Variants in ADPRHL1 observed in about 807,000 individuals in gnomAD.
ADPRHL1 encodes the protein inactive ADP-ribosyltransferase ARH2.
A neutral mutation model predicts 44.1 loss-of-function variants in ADPRHL1; 43 were observed. That is an observed-to-expected ratio of 0.98 (90% CI 0.76 to 1.26). ADPRHL1 has a LOEUF of 1.26. Ranked by LOEUF, ADPRHL1 falls within the 50% of genes most tolerant of loss-of-function variation. The probability of loss-of-function intolerance (pLI) is 0.00; values close to 1 mark genes in which losing one functional copy is unlikely to be tolerated. For synonymous variants in ADPRHL1, 878 were observed against 1,017.4 expected, an observed-to-expected ratio of 0.86 and a Z score of 2.61; for missense variants, 2,022 against 2,496.9, an observed-to-expected ratio of 0.81 and a Z score of 4.05.
chr13:113,426,146 C>G (rs1233581738), intron 4 of ADPRHL1, among the ~76,000 whole-genome samples: 1 of 152,120 alleles, frequency 6.6e-6, no homozygotes, highest in African/African-American at 2.4e-5. Flanking sequence ...AAGAGGTCAT[C>G]TGGCCAAGAG....
intron 7 of ADPRHL1, among the ~76,000 whole-genome samples, chr13:113,421,001 G>C (rs1459669978): frequency 5.7e-5 from 6 of 105,632 alleles, no homozygotes; most frequent in Non-Finnish European, 1.1e-4. Context: ...CCAACCCCTG[G>C]GACATGCCTA....
chr13:113,429,022 C>A lies in ADPRHL1; in HGVS notation c.576G>T (p.Trp192Cys), dbSNP rs758114074. ...FAAQGKPLVQ[W>C]GRDMLRAVPL... ...GCACCGCCCGCAGCATGTCTCTCCC[C>A]CACTGGACCAGGGGCTTTCCTTGTG... The change falls in exon 4 of 8, where the codon TGG (tryptophan) becomes TGT (cysteine). Residue 192 changes from tryptophan to cysteine, a missense_variant. Coordinates refer to ENST00000612156, the MANE Select transcript of ADPRHL1 (RefSeq NM_001394807.1). The A allele has an allele frequency of 2.5e-6, 4 of 1,612,780 alleles. No homozygotes were observed. Among genetic ancestry groups the A allele is most frequent in the Non-Finnish European group, 3.4e-6 (4 of 1,180,008 alleles).
rs1317851677 is a variant in ADPRHL1, at chr13:113,400,173, T to G, written c.*3205A>C. 1 of 143,768 alleles carries G rather than the reference T, an allele frequency of 7.0e-6. No individual in the cohort carries two copies. Among genetic ancestry groups the G allele is most frequent in the Non-Finnish European group, 1.5e-5 (1 of 65,848 alleles). 8.9% of individuals were successfully genotyped at this position (143,768 alleles called of 1,614,324 possible). On this transcript the variant is annotated 3_prime_UTR_variant, in exon 8 of 8. Coordinates refer to ENST00000612156, the MANE Select transcript of ADPRHL1 (RefSeq NM_001394807.1). The stretch of plus-strand genomic sequence containing the variant: ...CTTTTTTTTTTTTTTTTTGACGGAG[T>G]CTCGCTCTGTCACCCAGGCTGGAGT...
chr13:113,420,978 C>T (rs2043914621), intron 7 of ADPRHL1, among the ~76,000 whole-genome samples: 1 of 128,672 alleles, frequency 7.8e-6, no homozygotes, highest in South Asian at 2.8e-4. Context: ...GACACGCCCA[C>T]CCCCCAGGAC....
At chr13:113,408,874 GGGGGCTGCAGAGAGGAGGGAAAGAT>G (rs1257532590) in intron 7 of ADPRHL1, among the ~76,000 whole-genome samples, 2 of 43,288 alleles carry the variant, frequency 4.6e-5, no homozygotes, top group African/African-American at 1.4e-4. Flanking sequence ...GAAGGGAGGA[GGGGGCTGCAGAGAGGAGGGAAAGAT>G]GGGGCTACTG....
chr13:113,433,999 G>A (rs1346457717), intron 2 of ADPRHL1, 132 bp from the exon 3 acceptor site: 14 of 1,341,408 alleles, frequency 1.0e-5, no homozygotes, highest in African/African-American at 1.5e-5. Flanking sequence ...TGGTTTAAAT[G>A]AGCGAGCCAT....
In ADPRHL1 at chr13:113,407,200, C is replaced by T. The variant is rs930876000; in HGVS notation, c.2082G>A (p.Met694Ile). 9 of 1,232,136 alleles carry T rather than the reference C, an allele frequency of 7.3e-6. No homozygotes were observed. In the East Asian group the frequency reaches 2.5e-4, roughly 35 times the overall value. The allele number at this position is 1,232,136 out of a possible 1,614,324, so 76.3% of individuals were successfully genotyped here. ...RPSKPVTPQVMAQRDGHAVPS... is the reference protein window; with the variant it reads ...RPSKPVTPQVIAQRDGHAVPS... ...GGACAGCGTGGCCGTCCCTCTGAGCCATCACCTGGGGTGTCACGGGCTTCG... is the reference window on the plus strand; with the variant it reads ...GGACAGCGTGGCCGTCCCTCTGAGCTATCACCTGGGGTGTCACGGGCTTCG... The change falls in exon 8 of 8, where the codon ATG becomes ATA. Residue 694 changes from methionine (M) to isoleucine (I), a missense_variant. Coordinates refer to ENST00000612156, the MANE Select transcript of ADPRHL1 (RefSeq NM_001394807.1).
chr13:113,433,473 A>G (rs1380068496), intron 3 of ADPRHL1, among the ~76,000 whole-genome samples: 1 of 152,248 alleles, frequency 6.6e-6, no homozygotes, highest in Non-Finnish European at 1.5e-5. Flanking sequence ...GGCCTTAAGC[A>G]AAGCAGATTA....
rs1187531847 is a variant in ADPRHL1 at position 113,403,919 on chromosome 13, G to T, written c.5363C>A (p.Thr1788Asn). Residue 1788 changes from threonine (T) to asparagine (N), a missense_variant, in exon 8 of 8, where the codon ACT becomes AAT. By Grantham distance (65) the Thr-to-Asn change is moderately conservative. Coordinates refer to ENST00000612156, the MANE Select transcript of ADPRHL1 (RefSeq NM_001394807.1). Reference sequence around the variant, plus strand: ...AGCCCCTTTCTGGGTCTGCCTCTGAGTCTCTATCTGGGTCTGCTCCCAGCC... The same window carrying T: ...AGCCCCTTTCTGGGTCTGCCTCTGATTCTCTATCTGGGTCTGCTCCCAGCC... ...DQGWEQTQIE[T>N]QRQTQKGAQE... 4 of 1,241,138 alleles carry T rather than the reference G, an allele frequency of 3.2e-6. No individual in the cohort carries two copies. 76.9% of individuals were successfully genotyped at this position (1,241,138 alleles called of 1,614,324 possible).
rs2043814318 is a variant in ADPRHL1, at chr13:113,407,058, C to T, written c.2224G>A (p.Gly742Arg). The change falls in exon 8 of 8, where the codon GGG (glycine) becomes AGG (arginine). Residue 742 changes from glycine (G) to arginine (R), a missense_variant. Coordinates refer to ENST00000612156, the MANE Select transcript of ADPRHL1 (RefSeq NM_001394807.1). ...PWGTGSAGGDGTADPTAESTA... is the reference protein window; with the variant it reads ...PWGTGSAGGDRTADPTAESTA... Reference sequence around the variant, plus strand: ...CTCTCTGCGGTGGGGTCTGCAGTCCCATCACCTCCGGCTGATCCGGTGCCC... The same window carrying T: ...CTCTCTGCGGTGGGGTCTGCAGTCCTATCACCTCCGGCTGATCCGGTGCCC... 7 of 1,232,280 alleles carry T rather than the reference C, an allele frequency of 5.7e-6. No homozygotes were observed. Among genetic ancestry groups the T allele is most frequent in the Non-Finnish European group, 7.1e-6 (7 of 988,092 alleles). The allele number at this position is 1,232,280 out of a possible 1,614,324, so 76.3% of individuals were successfully genotyped here. A position where few individuals can be genotyped will look rare whatever the true frequency, so the allele number is the denominator to read the frequency against.
At chr13:113,439,926 G>T (rs537053614) in intron 2 of ADPRHL1, among the ~76,000 whole-genome samples, 1 of 152,266 alleles carries the variant, frequency 6.6e-6, no homozygotes, top group African/African-American at 2.4e-5. Flanking sequence ...AGACTCTGGT[G>T]ATTTTACTCC....
At chr13:113,434,723 C>A (rs1299985052) in intron 2 of ADPRHL1, among the ~76,000 whole-genome samples, 1 of 127,600 alleles carries the variant, frequency 7.8e-6, no homozygotes, top group East Asian at 2.6e-4. Flanking sequence ...CGGGACCCGG[C>A]ACCCAGGCGT....
Position 113,409,239 on chromosome 13 carries a change from G to A in ADPRHL1, c.1062-1019C>T, listed in dbSNP as rs1370756077. 2.0e-5 allele frequency: 19 copies of A among 955,962 alleles called. No individual in the cohort carries two copies. The East Asian group carries it at 4.6e-4, about 23-fold the overall frequency. The allele number at this position is 955,962 out of a possible 1,614,324, so 59.2% of individuals were successfully genotyped here. On this transcript the variant is annotated intron_variant, in intron 7 of 7. Coordinates refer to ENST00000612156, the MANE Select transcript of ADPRHL1 (RefSeq NM_001394807.1). The surrounding 1 kb of genome is among the most constrained non-coding windows in gnomAD (Gnocchi z 4.2). ...GGGTAAGTTCTGCTCCTGAGCAGCC[G>A]TGACCACAGGAGCAAAGCTGGAAGG... is the stretch of plus-strand genomic sequence containing the variant.
Position 113,403,318 on chromosome 13 carries a change from G to A in ADPRHL1, c.*60C>T. Reference sequence around the variant, plus strand: ...CGCATTTGGAGGCAGGAAAATGCCTGAAGTCCCTCAATGGGCGGATGTCAC... The same window carrying A: ...CGCATTTGGAGGCAGGAAAATGCCTAAAGTCCCTCAATGGGCGGATGTCAC... On this transcript the variant is annotated 3_prime_UTR_variant, in exon 8 of 8. Transcript: ENST00000612156. The A allele has an allele frequency of 8.2e-7, 1 of 1,221,240 alleles. No individual in the cohort carries two copies. Among genetic ancestry groups the A allele is most frequent in the Non-Finnish European group, 1.0e-6 (1 of 978,470 alleles). The allele number at this position is 1,221,240 out of a possible 1,614,324, so 75.7% of individuals were successfully genotyped here.
In ADPRHL1 at chr13:113,406,395, C is replaced by T; in HGVS notation, c.2887G>A (p.Glu963Lys). The change falls in exon 8 of 8, where the codon GAG becomes AAG. Residue 963 changes from glutamate (E) to lysine (K), a missense_variant. Glu to Lys is a moderately conservative substitution (Grantham distance 56, BLOSUM62 1). This residue lies in a region of ADPRHL1 where 1,221 missense variants were observed against 1,517.8 expected (regional missense o/e 0.80). Coordinates refer to ENST00000612156, the MANE Select transcript of ADPRHL1 (RefSeq NM_001394807.1). ...AGGKENKGSF[E>K]NSHGPRNPDD... ...GGATTCCTGGGACCGTGTGAATTCTCAAAGCTGCCTTTGTTTTCCTTCCCG... is the reference window on the plus strand; with the variant it reads ...GGATTCCTGGGACCGTGTGAATTCTTAAAGCTGCCTTTGTTTTCCTTCCCG... 8.1e-7 allele frequency: 1 copy of T among 1,232,104 alleles called. No individual in the cohort carries two copies. Among genetic ancestry groups the T allele is most frequent in the Non-Finnish European group, 1.0e-6 (1 of 987,978 alleles). 76.3% of individuals were successfully genotyped at this position (1,232,104 alleles called of 1,614,324 possible).
chr13:113,408,324 A>G, intron 7 of ADPRHL1, 104 bp from the exon 8 acceptor site: 21 of 1,146,796 alleles, frequency 1.8e-5, no homozygotes, highest in Non-Finnish European at 2.3e-5. Context: ...AGGGGCCCCA[A>G]AAGTCTGGTA....
At position 113,441,564 on chromosome 13, in the gene ADPRHL1, C is replaced by A. The variant is rs1275151415; in HGVS notation, c.379+2861G>T. Among the ~76,000 whole-genome samples the A allele has an allele frequency of 2.0e-5, 3 of 152,158 alleles. No individual in the cohort carries two copies. Among genetic ancestry groups the A allele is most frequent in the Admixed American group, 1.3e-4 (2 of 15,276 alleles). ...TAGCCTTCGTGCTATTGTTGTTGTACATTCTACTTATATTTTATAAACCAT... is the reference window on the plus strand; with the variant it reads ...TAGCCTTCGTGCTATTGTTGTTGTAAATTCTACTTATATTTTATAAACCAT... On this transcript the variant is annotated intron_variant, in intron 2 of 7. Transcript: ENST00000612156. The surrounding 1 kb of genome is among the most constrained non-coding windows in gnomAD (Gnocchi z 6.0).
At chr13:113,431,428 C>T (rs1161066504) in intron 3 of ADPRHL1, among the ~76,000 whole-genome samples, 1 of 152,214 alleles carries the variant, frequency 6.6e-6, no homozygotes, top group Non-Finnish European at 1.5e-5. Context: ...GGGAGGGCTG[C>T]AGCAGCGGCA....
At position 113,403,954 on chromosome 13, in the gene ADPRHL1, AGCCCGATCCCG is replaced by A; in HGVS notation, c.5317_5327del (p.Arg1773SerfsTer47). The A allele has an allele frequency of 7.8e-7, 1 of 1,282,094 alleles. No homozygotes were observed. The highest frequency in any genetic ancestry group is 1.6e-5 in the African/African-American group (1 of 62,716). 79.4% of individuals were successfully genotyped at this position (1,282,094 alleles called of 1,614,324 possible). A position where few individuals can be genotyped will look rare whatever the true frequency, so the allele number is the denominator to read the frequency against. On this transcript the variant is annotated frameshift_variant, in exon 8 of 8. Transcript: ENST00000612156. LOFTEE classifies it low-confidence loss of function (END_TRUNC). ...GGGTCTGCTCCCAGCCCTGATCCCG[AGCCCGATCCCG>A]AGCCCATTCCTGAGCCCCTTTCTGG...
Sources: allele counts gnomAD v4.1 joint callset (sites outside exome capture counted in the v4.1 genomes callset), GRCh38; gene constraint gnomAD v4.1.1; regional missense constraint gnomAD v4.1.1; non-coding constraint Gnocchi (gnomAD v3.1); transcripts MANE v1.5; gene names NCBI Gene and HGNC (gene_info 2026-07-23, HGNC 2026-07-21).